KCNIP4: variants seen among roughly 807,000 people sequenced by gnomAD.
The protein encoded by KCNIP4 is potassium voltage-gated channel interacting protein 4.
KCNIP4 carries 12 observed loss-of-function variants against 34.0 expected under a neutral mutation model. The observed-to-expected ratio is 0.35, with a 90% confidence interval of 0.23 to 0.57. The LOEUF (loss-of-function observed/expected upper bound fraction) is 0.57, where lower values mean the gene tolerates loss of function less well. Among genes scored for constraint, KCNIP4 ranks in the 20% least tolerant of loss-of-function variants. The pLI is 0.83. For synonymous variants in KCNIP4, 124 were observed against 102.2 expected (o/e 1.21, Z -1.29); for missense variants, 238 against 311.7 (o/e 0.76, Z 1.78).
chr4:20,897,242 G>T (rs190717898), intron 1 of KCNIP4, among the ~76,000 whole-genome samples: 2 of 144,680 alleles, frequency 1.4e-5, no homozygotes, highest in Non-Finnish European at 3.0e-5. Flanking sequence ...CCAACCCACC[G>T]CCCCTAAATC....
At chr4:21,369,123 C>A (rs146551614) in intron 1 of KCNIP4, among the ~76,000 whole-genome samples, 1 of 146,938 alleles carries the variant, frequency 6.8e-6, no homozygotes, top group Non-Finnish European at 1.5e-5. Context: ...ATTAAGGTAA[C>A]CTGATTGAGT....
At chr4:21,801,258 A>T (rs1310323468) in intron 1 of KCNIP4, among the ~76,000 whole-genome samples, 1 of 152,230 alleles carries the variant, frequency 6.6e-6, no homozygotes, top group Non-Finnish European at 1.5e-5. Flanking sequence ...AAAATCGTCA[A>T]GGAATAAAAA....
At chr4:21,588,995 G>A (rs1372269764) in intron 1 of KCNIP4, among the ~76,000 whole-genome samples, 2 of 150,844 alleles carry the variant, frequency 1.3e-5, no homozygotes, top group African/African-American at 4.9e-5. Context: ...GTGCCATGGT[G>A]AGCACTGGGA....
At chr4:20,850,417 A>G (rs1560513055) in intron 3 of KCNIP4, 126 bp downstream of exon 3, 2 of 978,460 alleles carry the variant, frequency 2.0e-6, no homozygotes, top group African/African-American at 1.6e-5. Flanking sequence ...CTATCTGGGA[A>G]GGATCAGTAT....
chr4:21,248,339 G>A (rs1186404425), intron 1 of KCNIP4, among the ~76,000 whole-genome samples: 1 of 151,976 alleles, frequency 6.6e-6, no homozygotes, highest in African/African-American at 2.4e-5. Context: ...TAGAACAAGT[G>A]AAGTCTACCC....
chr4:21,092,353 C>G (rs1047068682), intron 1 of KCNIP4, among the ~76,000 whole-genome samples: 1 of 151,922 alleles, frequency 6.6e-6, no homozygotes, highest in Non-Finnish European at 1.5e-5. Context: ...TATTCCTCAG[C>G]AGGAGTCAGT....
At chr4:21,406,616 A>G (rs1211653857) in intron 1 of KCNIP4, among the ~76,000 whole-genome samples, 2 of 152,214 alleles carry the variant, frequency 1.3e-5, no homozygotes, top group African/African-American at 4.8e-5. Context: ...AAATATGACA[A>G]TTATCTCAAG....
At chr4:20,763,482 G>A (rs13123327) in intron 3 of KCNIP4, among the ~76,000 whole-genome samples, 23,159 of 151,942 alleles carry the variant, frequency 0.15, 1,844 homozygotes, top group East Asian at 0.19. Flanking sequence ...AAGAGTACAT[G>A]GAAACTTTTT....
intron 1 of KCNIP4, chr4:21,613,678 CT>C (rs1473100341): frequency 1.3e-5 from 2 of 152,170 alleles, no homozygotes; most frequent in Non-Finnish European, 2.9e-5. Flanking sequence ...CTCAAAATCC[CT>C]TCATGTTGTC....
At chr4:21,439,158 T>C (rs566422797) in intron 1 of KCNIP4, among the ~76,000 whole-genome samples, 9 of 118,508 alleles carry the variant, frequency 7.6e-5, no homozygotes, top group African/African-American at 2.9e-4. Context: ...CAATAATCTG[T>C]CTCAAAAAAA....
intron 1 of KCNIP4, among the ~76,000 whole-genome samples, chr4:21,152,778 G>A (rs1752851551): frequency 6.6e-6 from 1 of 152,142 alleles, no homozygotes; most frequent in South Asian, 2.1e-4. Context: ...TGTCAGATGA[G>A]CCGCGGCATT....
chr4:21,433,323 TGGGTGCAGTG>T (rs969889566), intron 1 of KCNIP4, among the ~76,000 whole-genome samples: 2 of 152,142 alleles, frequency 1.3e-5, no homozygotes, highest in African/African-American at 4.8e-5. Context: ...TATATGGGGC[TGGGTGCAGTG>T]GCTCATGCCT....
Position 21,276,361 on chromosome 4 carries a change from C to CTT in KCNIP4, c.62-393654_62-393653dup, listed in dbSNP as rs3080866. Among the ~76,000 whole-genome samples, 42 of 129,204 alleles carry CTT rather than the reference C, an allele frequency of 3.3e-4. 1 individual carries two copies. Among genetic ancestry groups the CTT allele is most frequent in the Non-Finnish European group, 5.1e-4 (31 of 60,736 alleles). The allele number at this position is 129,204 out of a possible 152,430, so 84.8% of individuals were successfully genotyped here. On this transcript the variant is annotated intron_variant, in intron 1 of 8. Transcript: ENST00000382152. The stretch of plus-strand genomic sequence containing the variant: ...TAGTCCTAGTAAACTGAGATTTTCT[C>CTT]TTTTTTTTTTTTTTTTTTTGGGTAG...
At chr4:21,542,752 AG>A (rs1737815921) in intron 1 of KCNIP4, among the ~76,000 whole-genome samples, 2 of 147,906 alleles carry the variant, frequency 1.4e-5, no homozygotes, top group African/African-American at 2.6e-5. Context: ...CATTAGTACA[AG>A]AGAGAGAAAT....
intron 1 of KCNIP4, among the ~76,000 whole-genome samples, chr4:21,557,012 G>C (rs1278996521): frequency 6.6e-6 from 1 of 150,478 alleles, no homozygotes; most frequent in East Asian, 2.0e-4. Flanking sequence ...AGAAAATGCT[G>C]AGTTAAACTA....
rs1014386124 is a variant in KCNIP4 at position 21,658,662 on chromosome 4, A to G, written c.61+289909T>C. On this transcript the variant is annotated intron_variant, in intron 1 of 8. Transcript: ENST00000382152. The stretch of plus-strand genomic sequence containing the variant: ...GTCATCTGGCCACCTCAGCCCCCCA[A>G]AGTGTTGGGATTACAGGCATGAGCC... Among the ~76,000 whole-genome samples, 5 of 152,164 alleles carry G rather than the reference A, an allele frequency of 3.3e-5. No homozygotes were observed. In the East Asian group the frequency reaches 9.6e-4, roughly 29 times the overall value.
At position 21,102,207 on chromosome 4, in the gene KCNIP4, ACAT is replaced by A. The variant is rs1245451709; in HGVS notation, c.62-219501_62-219499del. Reference sequence around the variant, plus strand: ...AACATTAGAAAAAAGTTTTAGCTATACATCATTATTTTATATGTTGTATTTGCT... The same window carrying A: ...AACATTAGAAAAAAGTTTTAGCTATACATTATTTTATATGTTGTATTTGCT... On this transcript the variant is annotated intron_variant, in intron 1 of 8. Transcript: ENST00000382152. 6.6e-5 allele frequency among the ~76,000 whole-genome samples: 10 copies of A among 152,346 alleles called. No individual in the cohort carries two copies. The East Asian group carries it at 1.9e-3, about 29-fold the overall frequency.
chr4:21,894,540 C>T (rs1727274915), intron 1 of KCNIP4, among the ~76,000 whole-genome samples: 1 of 152,032 alleles, frequency 6.6e-6, no homozygotes, highest in South Asian at 2.1e-4. Context: ...AAAAAGAAAC[C>T]TAGTAGTAAC....
chr4:21,248,302 T>C (rs1760443244), intron 1 of KCNIP4, among the ~76,000 whole-genome samples: 1 of 151,994 alleles, frequency 6.6e-6, no homozygotes, highest in African/African-American at 2.4e-5. Flanking sequence ...GCTCTTAGCT[T>C]GGTTGCTCGC....
Sources: gnomAD v4.1 joint callset for allele counts (sites outside exome capture counted in the v4.1 genomes callset) on GRCh38, gnomAD v4.1.1 for gene constraint, MANE v1.5 for transcripts, NCBI Gene and HGNC (gene_info 2026-07-23, HGNC 2026-07-21) for gene names.